INTS9: variants seen among roughly 807,000 people sequenced by gnomAD.
INTS9 encodes integrator complex subunit 9.
INTS9 carries 55 observed loss-of-function variants against 79.7 expected under a neutral mutation model. The observed-to-expected ratio is 0.69, with a 90% CI of 0.56 to 0.86. The LOEUF (loss-of-function observed/expected upper bound fraction) is 0.86, where lower values mean the gene tolerates loss of function less well. Among genes scored for constraint, INTS9 ranks in the 40% least tolerant of loss-of-function variants. INTS9 has a pLI of 0.00. For missense variants in INTS9, 721 were observed against 831.5 expected (o/e 0.87, Z 1.64); for synonymous variants, 319 against 325.2 (o/e 0.98, Z 0.20).
chr8:28,829,154 C>T (rs907132), intron 6 of INTS9, among the ~76,000 whole-genome samples: 129,246 of 152,236 alleles, frequency 0.85, 55,124 homozygotes, highest in East Asian at 0.93. Flanking sequence ...AGATTTCTAA[C>T]CTTATAAAAA....
chr8:28,814,288 A>T (rs1341511784), intron 6 of INTS9, among the ~76,000 whole-genome samples: 1,903 of 18,474 alleles, frequency 0.1, 46 homozygotes, highest in African/African-American at 0.18. Context: ...GGCTTCTCAC[A>T]CACACACACA....
intron 1 of INTS9, among the ~76,000 whole-genome samples, chr8:28,876,514 G>A (rs946325641): frequency 3.3e-5 from 5 of 152,120 alleles, no homozygotes; most frequent in African/African-American, 9.7e-5. Context: ...GCTACAGCAC[G>A]TAAATTAAAA....
intron 6 of INTS9, among the ~76,000 whole-genome samples, chr8:28,820,251 T>G (rs541268898): frequency 2.6e-5 from 4 of 152,214 alleles, no homozygotes; most frequent in Admixed American, 2.6e-4. Context: ...CTAGCCTTGA[T>G]GGTCTTTACA....
chr8:28,775,961 G>GT, intron 13 of INTS9, 35 bp from the exon 14 acceptor site: 1 of 1,496,398 alleles, frequency 6.7e-7, no homozygotes, highest in Non-Finnish European at 8.9e-7. Flanking sequence ...GAAAGGTGGT[G>GT]TGAAGTACAG....
At chr8:28,888,695 T>C (rs934071743) in intron 1 of INTS9, among the ~76,000 whole-genome samples, 2 of 152,170 alleles carry the variant, frequency 1.3e-5, no homozygotes, top group Non-Finnish European at 2.9e-5. Context: ...ATTCTCAAGG[T>C]TTAGTGACCC....
intron 8 of INTS9, among the ~76,000 whole-genome samples, chr8:28,802,424 C>G (rs1804574316): frequency 6.6e-6 from 1 of 152,174 alleles, no homozygotes; most frequent in South Asian, 2.1e-4. Flanking sequence ...AATAATCTCT[C>G]CTCTCCTTCT....
intron 16 of INTS9, 135 bp from the exon 17 acceptor site, chr8:28,768,457 G>A (rs1802335952): frequency 2.6e-6 from 2 of 770,574 alleles, no homozygotes; most frequent in Non-Finnish European, 4.4e-6. Context: ...CTAGTCATAG[G>A]CCTATGATAG....
intron 8 of INTS9, 80 bp from the exon 9 acceptor site, chr8:28,796,735 G>C: frequency 1.1e-6 from 1 of 877,766 alleles, no homozygotes; most frequent in Non-Finnish European, 1.9e-6. Flanking sequence ...CGAGAACACA[G>C]ACATTGCTCT....
intron 6 of INTS9, among the ~76,000 whole-genome samples, chr8:28,818,813 A>G (rs1186881914): frequency 1.3e-5 from 2 of 151,858 alleles, no homozygotes; most frequent in Non-Finnish European, 2.9e-5. Context: ...GCTATTGATT[A>G]TTGCCACAAT....
At chr8:28,836,845 T>C (rs2131184006) in intron 5 of INTS9, among the ~76,000 whole-genome samples, 1 of 152,328 alleles carries the variant, frequency 6.6e-6, no homozygotes, top group East Asian at 1.9e-4. Flanking sequence ...AGAAAACACA[T>C]TATTTCATCT....
At chr8:28,825,255 G>A (rs932299422) in intron 6 of INTS9, among the ~76,000 whole-genome samples, 1 of 152,188 alleles carries the variant, frequency 6.6e-6, no homozygotes, top group African/African-American at 2.4e-5. Context: ...TGCCAGAGCT[G>A]GAAGGCTGTC....
intron 1 of INTS9, among the ~76,000 whole-genome samples, chr8:28,884,358 T>G (rs1810069489): frequency 6.6e-6 from 1 of 151,282 alleles, no homozygotes; most frequent in Non-Finnish European, 1.5e-5. Context: ...TAATTTTTAG[T>G]TTTTTTTGTA....
intron 10 of INTS9, among the ~76,000 whole-genome samples, chr8:28,791,107 G>A (rs1803894264): frequency 6.6e-6 from 1 of 152,000 alleles, no homozygotes; most frequent in South Asian, 2.1e-4. Context: ...TCTCATATGG[G>A]TTCCTGCCTT....
chr8:28,772,120 C>G (rs1414744693), intron 14 of INTS9, among the ~76,000 whole-genome samples: 2 of 152,214 alleles, frequency 1.3e-5, no homozygotes, highest in Admixed American at 6.5e-5. Context: ...CCTTGGCCTC[C>G]CAAGGGCTGG....
At chr8:28,780,771 C>T (rs550594420) in intron 12 of INTS9, 52 bp downstream of exon 12, 2 of 1,597,480 alleles carry the variant, frequency 1.3e-6, no homozygotes, top group Non-Finnish European at 1.7e-6. Context: ...GGTGCATTCA[C>T]TCATGGCCTC....
intron 1 of INTS9, among the ~76,000 whole-genome samples, chr8:28,879,795 G>T (rs994216703): frequency 6.6e-6 from 1 of 152,146 alleles, no homozygotes; most frequent in African/African-American, 2.4e-5. Flanking sequence ...TACACCAAAT[G>T]AAAGAAGATG....
chr8:28,777,612 A>G (rs1802965948), intron 13 of INTS9, among the ~76,000 whole-genome samples: 1 of 150,678 alleles, frequency 6.6e-6, no homozygotes, highest in East Asian at 1.9e-4. Context: ...TCCCTTCCAC[A>G]TCTGATTTCT....
chr8:28,832,934 G>A (rs918254747), intron 6 of INTS9, among the ~76,000 whole-genome samples: 1 of 151,980 alleles, frequency 6.6e-6, no homozygotes, highest in African/African-American at 2.4e-5. Context: ...CTGCACTCCA[G>A]CCTGGGAGAC....
At chr8:28,863,392 C>A (rs2131306881) in intron 1 of INTS9, among the ~76,000 whole-genome samples, 1 of 152,254 alleles carries the variant, frequency 6.6e-6, no homozygotes, top group South Asian at 2.1e-4. Flanking sequence ...GCTTCTGCAT[C>A]CAGGATTCAA....
Sources: allele counts gnomAD v4.1 joint callset (sites outside exome capture counted in the v4.1 genomes callset), GRCh38; gene constraint gnomAD v4.1.1; transcripts MANE v1.5; gene names NCBI Gene and HGNC (gene_info 2026-07-23, HGNC 2026-07-21).